Variants in CMC1 observed in about 807,000 individuals in gnomAD.
The protein encoded by CMC1 is COX assembly mitochondrial protein homolog.
A neutral mutation model predicts 14.1 loss-of-function variants in CMC1; 14 were observed. That is an observed-to-expected ratio of 0.99 (90% CI 0.66 to 1.55). The LOEUF is 1.55. Ranked by LOEUF, CMC1 falls within the 40% of genes most tolerant of loss-of-function variation. The probability of loss-of-function intolerance (pLI) is 0.00; values close to 1 mark genes in which losing one functional copy is unlikely to be tolerated. For missense variants in CMC1, 127 were observed against 123.8 expected (o/e 1.03, Z -0.12); for synonymous variants, 50 against 38.4 (o/e 1.30, Z -1.12).
Position 28,323,380 on chromosome 3 carries a change from G to C in CMC1, c.*3751G>C, listed in dbSNP as rs1703254184. On this transcript the variant is annotated 3_prime_UTR_variant, in exon 4 of 4. Transcript: ENST00000466830. ...TTTTTTTTTTTTTTTTTCCCAATTA[G>C]GACTTAAGGAATGTGCTGGGACAAA... 1 of 144,698 alleles carries C rather than the reference G, an allele frequency of 6.9e-6. No homozygotes were observed. The highest frequency in any genetic ancestry group is 2.5e-5 in the African/African-American group (1 of 39,512). The allele number at this position is 144,698 out of a possible 1,614,324, so 9.0% of individuals were successfully genotyped here.
chr3:28,294,815 CCTT>C (rs1038498168), intron 2 of CMC1, among the ~76,000 whole-genome samples: 8 of 151,958 alleles, frequency 5.3e-5, no homozygotes, highest in Non-Finnish European at 1.0e-4. Flanking sequence ...TGATATGACT[CCTT>C]CTAGATTTGT....
chr3:28,310,171 G>A (rs62251108), intron 2 of CMC1, among the ~76,000 whole-genome samples: 34,504 of 152,074 alleles, frequency 0.23, 4,336 homozygotes, highest in Middle Eastern at 0.29. Context: ...CCTCCTGAGT[G>A]TGTCTGAGGT....
At chr3:28,272,659 AG>A (rs1700356386) in intron 2 of CMC1, among the ~76,000 whole-genome samples, 1 of 152,036 alleles carries the variant, frequency 6.6e-6, no homozygotes, top group African/African-American at 2.4e-5. Flanking sequence ...GATCTTCATC[AG>A]GGATATTGTC....
At chr3:28,248,215 C>T (rs1217616063) in intron 1 of CMC1, among the ~76,000 whole-genome samples, 2 of 152,038 alleles carry the variant, frequency 1.3e-5, no homozygotes, top group Non-Finnish European at 1.5e-5. Flanking sequence ...GAATGTTCTA[C>T]CTGTGTAATA....
At chr3:28,293,617 T>A (rs1409952963) in intron 2 of CMC1, among the ~76,000 whole-genome samples, 1 of 152,218 alleles carries the variant, frequency 6.6e-6, no homozygotes, top group East Asian at 1.9e-4. Flanking sequence ...AGTCTTGCTC[T>A]GTCACCTATC....
At chr3:28,311,987 C>T (rs955997744) in intron 2 of CMC1, among the ~76,000 whole-genome samples, 1 of 152,100 alleles carries the variant, frequency 6.6e-6, no homozygotes, top group Non-Finnish European at 1.5e-5. Context: ...TTTTGTGATT[C>T]AGATTCCTAT....
chr3:28,260,799 A>G (rs1699698519), intron 1 of CMC1, among the ~76,000 whole-genome samples: 1 of 152,034 alleles, frequency 6.6e-6, no homozygotes, highest in Admixed American at 6.6e-5. Context: ...TTTTATTTTC[A>G]TTCATATCAA....
chr3:28,248,245 A>G lies in CMC1; in HGVS notation c.19+6433A>G, dbSNP rs551458143. On this transcript the variant is annotated intron_variant, in intron 1 of 3. Transcript: ENST00000466830. ...GTAATAAATAGTAAATATTTTTCATATGAATCCACCTCTTTAAATTCATTA... is the reference window on the plus strand; with the variant it reads ...GTAATAAATAGTAAATATTTTTCATGTGAATCCACCTCTTTAAATTCATTA... Among the ~76,000 whole-genome samples the G allele has an allele frequency of 1.1e-4, 17 of 152,308 alleles. No homozygotes were observed. The East Asian group carries it at 1.9e-3, about 17-fold the overall frequency.
chr3:28,323,020 TAAG>T lies in CMC1; in HGVS notation c.*3392_*3394del, dbSNP rs1703236959. On this transcript the variant is annotated 3_prime_UTR_variant, in exon 4 of 4. Transcript: ENST00000466830. ...TTTCCAAATAATTGGCCACTTAGAA[TAAG>T]TGTGGACATTTCATGATCGACAATA... The T allele has an allele frequency of 1.0e-5, 1 of 95,802 alleles. No homozygotes were observed. The highest frequency in any genetic ancestry group is 2.9e-5 in the Non-Finnish European group (1 of 34,442). The allele number at this position is 95,802 out of a possible 1,614,324, so 5.9% of individuals were successfully genotyped here. A position where few individuals can be genotyped will look rare whatever the true frequency, so the allele number is the denominator to read the frequency against.
rs142719637 is a variant in CMC1 at position 28,265,878 on chromosome 3, C to A, written c.109+2498C>A. Among the ~76,000 whole-genome samples the A allele has an allele frequency of 6.1e-3, 935 of 152,214 alleles. 4 individuals carry two copies. The highest frequency in any genetic ancestry group is 8.2e-3 in the Non-Finnish European group (561 of 68,018). On this transcript the variant is annotated intron_variant, in intron 2 of 3. Coordinates refer to ENST00000466830, the MANE Select transcript of CMC1 (RefSeq NM_182523.2). ...CTAATTTGCTAGCATTAATTAGTTT[C>A]TTTTGAGCACAGACACTTGGTGCTC...
At chr3:28,315,389 C>T (rs376641970) in intron 2 of CMC1, among the ~76,000 whole-genome samples, 2 of 152,176 alleles carry the variant, frequency 1.3e-5, no homozygotes, top group East Asian at 3.9e-4. Flanking sequence ...TGACAGAAAG[C>T]CATTTGAAGT....
chr3:28,270,801 G>T (rs1221393684), intron 2 of CMC1, among the ~76,000 whole-genome samples: 1 of 151,676 alleles, frequency 6.6e-6, no homozygotes, highest in East Asian at 1.9e-4. Flanking sequence ...ATTGGTTTTG[G>T]CATTTTCGTC....
chr3:28,249,667 A>T (rs2125426680), intron 1 of CMC1, among the ~76,000 whole-genome samples: 1 of 152,314 alleles, frequency 6.6e-6, no homozygotes, highest in Non-Finnish European at 1.5e-5. Flanking sequence ...CAGCCCTCTC[A>T]GGTGGTTCTT....
At chr3:28,271,862 T>C (rs1314590971) in intron 2 of CMC1, among the ~76,000 whole-genome samples, 5 of 152,240 alleles carry the variant, frequency 3.3e-5, no homozygotes, top group African/African-American at 9.6e-5. Flanking sequence ...TCCATGAGCA[T>C]GGAATGTTTT....
intron 1 of CMC1, among the ~76,000 whole-genome samples, chr3:28,249,616 T>C (rs73822335): frequency 0.02 from 3,027 of 152,202 alleles, 92 homozygotes; most frequent in African/African-American, 0.068. Flanking sequence ...ATTTCTGATT[T>C]AACTGGTCTG....
chr3:28,255,753 A>ACACACACACG (rs1373697140), intron 1 of CMC1, among the ~76,000 whole-genome samples: 1 of 150,968 alleles, frequency 6.6e-6, no homozygotes, highest in African/African-American at 2.4e-5. Context: ...ACACACACAC[A>ACACACACACG]CGCGACAGAG....
intron 2 of CMC1, among the ~76,000 whole-genome samples, chr3:28,308,547 T>C (rs1702452285): frequency 6.6e-6 from 1 of 152,214 alleles, no homozygotes; most frequent in African/African-American, 2.4e-5. Context: ...GAATCTTAGC[T>C]TTACACGAAG....
chr3:28,299,241 G>A (rs907654295), intron 2 of CMC1, among the ~76,000 whole-genome samples: 2 of 151,990 alleles, frequency 1.3e-5, no homozygotes, highest in South Asian at 2.1e-4. Context: ...AAATCTACTC[G>A]TGGCATATTG....
At chr3:28,309,941 C>CCACACACACACACA (rs57007112) in intron 2 of CMC1, among the ~76,000 whole-genome samples, 5 of 132,490 alleles carry the variant, frequency 3.8e-5, no homozygotes, top group African/African-American at 5.8e-5. Context: ...CTGACGTCCA[C>CCACACACACACACA]CACACACACA....
Sources: gnomAD v4.1 joint callset for allele counts (sites outside exome capture counted in the v4.1 genomes callset) on GRCh38, gnomAD v4.1.1 for gene constraint, MANE v1.5 for transcripts, NCBI Gene and HGNC (gene_info 2026-07-23, HGNC 2026-07-21) for gene names.